KIAA0825: variants seen among roughly 807,000 people sequenced by gnomAD.
The protein encoded by KIAA0825 is uncharacterized protein KIAA0825.
A neutral mutation model predicts 147.6 loss-of-function variants in KIAA0825; 119 were observed. The ratio of observed to expected loss-of-function variants is 0.81; its 90% CI spans 0.69 to 0.94. KIAA0825 has a LOEUF of 0.94. Among genes scored for constraint, KIAA0825 ranks in the 40% least tolerant of loss-of-function variants. KIAA0825 has a pLI of 0.00. For missense variants in KIAA0825, 1,381 were observed against 1,472.7 expected (o/e 0.94, Z 1.02); for synonymous variants, 470 against 518.1 (o/e 0.91, Z 1.26).
rs143838704 is a variant in KIAA0825 at position 94,432,589 on chromosome 5, CA to C, written c.2497+7392del. On this transcript the variant is annotated intron_variant, in intron 14 of 20. Coordinates refer to ENST00000682413, the MANE Select transcript of KIAA0825 (RefSeq NM_001145678.3). ...ATATGGTTCTTAGTAAAGAAAGTGA[CA>C]AAAAAAAAATAGAACAAGTCAGAGT... is the stretch of plus-strand genomic sequence containing the variant. 9.5e-5 allele frequency among the ~76,000 whole-genome samples: 14 copies of C among 147,046 alleles called. No individual in the cohort carries two copies. The East Asian group carries it at 1.2e-3, about 12-fold the overall frequency.
intron 18 of KIAA0825, 52 bp from the exon 19 acceptor site, chr5:94,386,456 G>A (rs1165057965): frequency 1.9e-5 from 28 of 1,449,244 alleles, no homozygotes; most frequent in East Asian, 2.5e-5. Flanking sequence ...GACATTCTCT[G>A]TAAAAATAAA....
chr5:94,280,186 G>T (rs1193284895), intron 20 of KIAA0825, among the ~76,000 whole-genome samples: 1 of 151,992 alleles, frequency 6.6e-6, no homozygotes, highest in Non-Finnish European at 1.5e-5. Flanking sequence ...TCCAGGTGAG[G>T]GATGATTAGT....
At chr5:94,488,047 C>T (rs957243224) in intron 5 of KIAA0825, among the ~76,000 whole-genome samples, 2 of 152,208 alleles carry the variant, frequency 1.3e-5, no homozygotes. Context: ...CCTCAGCCTC[C>T]TGAGTAGCTG....
At chr5:94,570,825 T>C (rs1392471590) in intron 2 of KIAA0825, 1 of 152,384 alleles carries the variant, frequency 6.6e-6, no homozygotes, top group East Asian at 1.9e-4. Context: ...TGTACTTTCA[T>C]GGGGAAGCAA....
intron 15 of KIAA0825, among the ~76,000 whole-genome samples, chr5:94,412,646 A>C (rs1413151025): frequency 2.0e-5 from 3 of 152,024 alleles, no homozygotes; most frequent in African/African-American, 7.2e-5. Context: ...TGATCCACCC[A>C]CCTCGGCCTC....
At chr5:94,604,889 C>A (rs1213259170) in intron 1 of KIAA0825, among the ~76,000 whole-genome samples, 1 of 151,694 alleles carries the variant, frequency 6.6e-6, no homozygotes. Context: ...CAAGAAATAA[C>A]CAAAATAAGG....
intron 20 of KIAA0825, among the ~76,000 whole-genome samples, chr5:94,233,002 A>G (rs1236369730): frequency 6.6e-6 from 1 of 152,188 alleles, no homozygotes; most frequent in East Asian, 1.9e-4. Context: ...GGACTAAAAT[A>G]CTGCACAGGA....
At chr5:94,543,264 C>A (rs1479350795) in intron 2 of KIAA0825, among the ~76,000 whole-genome samples, 3 of 152,020 alleles carry the variant, frequency 2.0e-5, no homozygotes, top group Non-Finnish European at 4.4e-5. Flanking sequence ...GCCAACATGG[C>A]AAAACCTGGT....
At chr5:94,518,329 T>A (rs1190767045) in intron 5 of KIAA0825, among the ~76,000 whole-genome samples, 3 of 152,178 alleles carry the variant, frequency 2.0e-5, no homozygotes, top group African/African-American at 7.2e-5. Flanking sequence ...TTCCCCTTAC[T>A]GTGTCTAGCA....
intron 20 of KIAA0825, among the ~76,000 whole-genome samples, chr5:94,282,983 G>A (rs1020219201): frequency 6.6e-6 from 1 of 151,950 alleles, no homozygotes; most frequent in Non-Finnish European, 1.5e-5. Flanking sequence ...TAGAAGATAG[G>A]GAAGCCATAA....
chr5:94,409,865 C>T (rs1752527204), intron 15 of KIAA0825, among the ~76,000 whole-genome samples: 1 of 152,096 alleles, frequency 6.6e-6, no homozygotes, highest in Non-Finnish European at 1.5e-5. Flanking sequence ...ACACAAGTAA[C>T]ACAATACAAC....
intron 2 of KIAA0825, chr5:94,568,644 A>G (rs1400507358): frequency 6.6e-6 from 1 of 152,324 alleles, no homozygotes; most frequent in Non-Finnish European, 1.5e-5. Context: ...CTAGACCTCA[A>G]CTACTTAACC....
rs34842887 is a variant in KIAA0825, at chr5:94,200,946, CATATATATATATATAT to C, written c.3711-46838_3711-46823del. ...TTTCTCTAGAAATATAGAATTTAAACATATATATATATATATATATATATATATATATATATATGTA... is the reference window on the plus strand; with the variant it reads ...TTTCTCTAGAAATATAGAATTTAAACATATATATATATATATATATATGTA... On this transcript the variant is annotated intron_variant, in intron 20 of 20. Coordinates refer to ENST00000682413, the MANE Select transcript of KIAA0825 (RefSeq NM_001145678.3). Among the ~76,000 whole-genome samples the C allele has an allele frequency of 2.9e-4, 30 of 103,890 alleles. 1 individual carries two copies. The highest frequency in any genetic ancestry group is 5.3e-3 in the Middle Eastern group (1 of 188). 68.2% of individuals were successfully genotyped at this position (103,890 alleles called of 152,430 possible). A position where few individuals can be genotyped will look rare whatever the true frequency, so the allele number is the denominator to read the frequency against.
At chr5:94,563,538 AAAT>A (rs1361528425) in intron 2 of KIAA0825, among the ~76,000 whole-genome samples, 49 of 152,324 alleles carry the variant, frequency 3.2e-4, no homozygotes, top group African/African-American at 1.1e-3. Flanking sequence ...CAGTAAAAAT[AAAT>A]AATAAGTTGT....
chr5:94,401,418 T>C (rs1751360181), intron 16 of KIAA0825, among the ~76,000 whole-genome samples: 1 of 152,160 alleles, frequency 6.6e-6, no homozygotes, highest in Non-Finnish European at 1.5e-5. Context: ...TATAGGAATA[T>C]GTTAAAGTCA....
intron 12 of KIAA0825, among the ~76,000 whole-genome samples, chr5:94,458,066 G>A (rs776015298): frequency 6.6e-6 from 1 of 152,192 alleles, no homozygotes; most frequent in African/African-American, 2.4e-5. Flanking sequence ...GTGAGGACAT[G>A]TGAACCTTTC....
At chr5:94,223,734 G>C (rs971322454) in intron 20 of KIAA0825, among the ~76,000 whole-genome samples, 3 of 152,100 alleles carry the variant, frequency 2.0e-5, no homozygotes, top group African/African-American at 7.2e-5. Context: ...CATTAAAGAT[G>C]TCTTCTTTAA....
At chr5:94,157,415 G>T (rs926106350) in intron 20 of KIAA0825, among the ~76,000 whole-genome samples, 3 of 152,122 alleles carry the variant, frequency 2.0e-5, no homozygotes, top group Admixed American at 1.3e-4. Context: ...CTCCTAGGTG[G>T]TTAGATATGG....
intron 20 of KIAA0825, among the ~76,000 whole-genome samples, chr5:94,322,593 T>C (rs1562377826): frequency 6.6e-6 from 1 of 151,862 alleles, no homozygotes; most frequent in African/African-American, 2.4e-5. Context: ...TTAAATAATA[T>C]ATTAAAATTT....
Sources: allele counts gnomAD v4.1 joint callset (sites outside exome capture counted in the v4.1 genomes callset), GRCh38; gene constraint gnomAD v4.1.1; transcripts MANE v1.5; gene names NCBI Gene and HGNC (gene_info 2026-07-23, HGNC 2026-07-21).